The following DOK5 variants were observed in gnomAD, a reference collection of about 807,000 sequenced individuals.
DOK5 encodes the protein downstream of tyrosine kinase 5.
DOK5 carries 27 observed loss-of-function variants against 43.3 expected under a neutral mutation model. That is an observed-to-expected ratio of 0.62 (90% CI 0.46 to 0.86). DOK5 has a LOEUF of 0.86. DOK5 is among the 40% of genes least tolerant of loss of function. The pLI is 0.00. For missense variants in DOK5, 373 were observed against 392.9 expected (o/e 0.95, Z 0.43); for synonymous variants, 146 against 140.1 (o/e 1.04, Z -0.30).
At chr20:54,582,852 C>G (rs960793444) in intron 2 of DOK5, among the ~76,000 whole-genome samples, 6 of 151,968 alleles carry the variant, frequency 3.9e-5, no homozygotes, top group African/African-American at 1.4e-4. Context: ...TAGTGCTTTT[C>G]TATTCTCCAT....
chr20:54,577,815 T>C (rs1421147521), intron 2 of DOK5, among the ~76,000 whole-genome samples: 1 of 152,024 alleles, frequency 6.6e-6, no homozygotes, highest in Non-Finnish European at 1.5e-5. Context: ...TGGTGGAGAG[T>C]TGAAGCTCAA....
At chr20:54,599,913 CAAT>C (rs1429619530) in intron 5 of DOK5, among the ~76,000 whole-genome samples, 1 of 152,068 alleles carries the variant, frequency 6.6e-6, no homozygotes, top group African/African-American at 2.4e-5. Context: ...GAGATATAGA[CAAT>C]GATGAACATT....
intron 1 of DOK5, among the ~76,000 whole-genome samples, chr20:54,543,741 G>A (rs988632544): frequency 9.2e-5 from 14 of 151,994 alleles, no homozygotes; most frequent in African/African-American, 3.1e-4. Flanking sequence ...AAAAGCAGGG[G>A]CAACCTCCTT....
intron 6 of DOK5, among the ~76,000 whole-genome samples, chr20:54,618,427 T>A (rs1046979538): frequency 9.9e-5 from 15 of 151,550 alleles, no homozygotes; most frequent in African/African-American, 3.6e-4. Context: ...CACTGAAACC[T>A]CTGCCTCCCG....
At chr20:54,493,300 A>C (rs6023291) in intron 1 of DOK5, among the ~76,000 whole-genome samples, 31,673 of 151,844 alleles carry the variant, frequency 0.21, 5,606 homozygotes, top group African/African-American at 0.49. Flanking sequence ...ACACCATACT[A>C]CCCAAAATCA....
chr20:54,628,409 A>AC, intron 6 of DOK5, among the ~76,000 whole-genome samples: 1 of 37,462 alleles, frequency 2.7e-5, no homozygotes, highest in East Asian at 3.6e-4. Flanking sequence ...ACTCCGTCTC[A>AC]AAAAAAAAAA....
At chr20:54,604,333 C>T (rs1015014259) in intron 5 of DOK5, among the ~76,000 whole-genome samples, 3 of 151,456 alleles carry the variant, frequency 2.0e-5, no homozygotes, top group Non-Finnish European at 4.4e-5. Context: ...ATTTTATATC[C>T]CTCTCTGTCA....
At chr20:54,500,397 G>A (rs543817789) in intron 1 of DOK5, among the ~76,000 whole-genome samples, 1 of 151,976 alleles carries the variant, frequency 6.6e-6, no homozygotes, top group South Asian at 2.1e-4. Flanking sequence ...TCATTGTTTT[G>A]CTGAATTTTA....
chr20:54,586,949 G>A (rs1251939420), intron 2 of DOK5, among the ~76,000 whole-genome samples: 1 of 152,032 alleles, frequency 6.6e-6, no homozygotes, highest in Non-Finnish European at 1.5e-5. Flanking sequence ...TGTCCCACGT[G>A]CAATGGGAAG....
At chr20:54,574,811 A>T (rs1327832751) in intron 2 of DOK5, among the ~76,000 whole-genome samples, 1 of 152,206 alleles carries the variant, frequency 6.6e-6, no homozygotes, top group Non-Finnish European at 1.5e-5. Context: ...GAATGCTAAG[A>T]CTGTTTGCTG....
intron 1 of DOK5, among the ~76,000 whole-genome samples, chr20:54,517,681 G>A (rs1054178794): frequency 3.9e-5 from 6 of 152,220 alleles, no homozygotes; most frequent in Admixed American, 2.6e-4. Context: ...TGCACCCCCC[G>A]CTCCAAATTT....
chr20:54,556,762 G>A (rs1418833045), intron 2 of DOK5, among the ~76,000 whole-genome samples: 1 of 152,162 alleles, frequency 6.6e-6, no homozygotes, highest in Non-Finnish European at 1.5e-5. Flanking sequence ...CTGTAACTTT[G>A]CAATTCACCC....
chr20:54,647,693 T>C (rs1979502426), intron 7 of DOK5, among the ~76,000 whole-genome samples: 1 of 48,146 alleles, frequency 2.1e-5, no homozygotes, highest in South Asian at 1.0e-3. Context: ...ACCTTTCCCC[T>C]AAGAAAGGTT....
chr20:54,609,511 AAT>A (rs898911857), intron 5 of DOK5, among the ~76,000 whole-genome samples: 5 of 151,816 alleles, frequency 3.3e-5, no homozygotes, highest in Admixed American at 3.3e-4. Context: ...CACACACTAA[AAT>A]ATATATATAG....
intron 1 of DOK5, among the ~76,000 whole-genome samples, chr20:54,517,911 T>C (rs1983256334): frequency 6.6e-6 from 1 of 152,240 alleles, no homozygotes; most frequent in African/African-American, 2.4e-5. Flanking sequence ...GCCTTGATCT[T>C]GGACTTCTCA....
intron 5 of DOK5, among the ~76,000 whole-genome samples, chr20:54,597,150 G>C (rs1271511227): frequency 6.6e-6 from 1 of 152,116 alleles, no homozygotes; most frequent in Non-Finnish European, 1.5e-5. Flanking sequence ...TTTAATAATT[G>C]CTCAAAACAA....
chr20:54,552,529 T>C (rs887134890), intron 1 of DOK5, among the ~76,000 whole-genome samples: 1 of 152,046 alleles, frequency 6.6e-6, no homozygotes, highest in Admixed American at 6.6e-5. Context: ...ATATTCTATA[T>C]GTATCGTAAT....
At chr20:54,576,847 A>T (rs1384987589) in intron 2 of DOK5, among the ~76,000 whole-genome samples, 1 of 152,256 alleles carries the variant, frequency 6.6e-6, no homozygotes, top group Non-Finnish European at 1.5e-5. Context: ...TGAATTGACA[A>T]GTACTTTATT....
At chr20:54,531,483 A>G (rs1983768889) in intron 1 of DOK5, among the ~76,000 whole-genome samples, 1 of 152,214 alleles carries the variant, frequency 6.6e-6, no homozygotes, top group Admixed American at 6.5e-5. Flanking sequence ...CAGAGTAAGA[A>G]TGCCATTCCA....
Sources: allele counts gnomAD v4.1 joint callset (sites outside exome capture counted in the v4.1 genomes callset), GRCh38; gene constraint gnomAD v4.1.1; transcripts MANE v1.5; gene names NCBI Gene and HGNC (gene_info 2026-07-23, HGNC 2026-07-21).